The following NFIB variants were observed in gnomAD, a reference collection of about 807,000 sequenced individuals.
The protein encoded by NFIB is nuclear factor I B, also known as nuclear factor 1 B-type.
In NFIB, 11 loss-of-function variants were observed where a neutral mutation model predicts 61.5. That is an observed-to-expected ratio of 0.18 (90% CI 0.11 to 0.30). The LOEUF (loss-of-function observed/expected upper bound fraction) is 0.30. Among genes scored for constraint, NFIB ranks in the 10% least tolerant of loss-of-function variants. NFIB has a pLI of 1.00. For synonymous variants in NFIB, 260 were observed against 216.5 expected (o/e 1.20, Z -1.76); for missense variants, 471 against 608.9 (o/e 0.77, Z 2.38).
At chr9:14,245,586 C>A (rs1464396028) in intron 2 of NFIB, among the ~76,000 whole-genome samples, 2 of 152,052 alleles carry the variant, frequency 1.3e-5, no homozygotes, top group African/African-American at 4.8e-5. Context: ...ATAATAAGTA[C>A]ACATGGCCGG....
intron 2 of NFIB, among the ~76,000 whole-genome samples, chr9:14,215,979 G>A (rs1206652181): frequency 2.6e-5 from 4 of 152,100 alleles, no homozygotes; most frequent in Non-Finnish European, 4.4e-5. Flanking sequence ...TTCATGGGGG[G>A]TGGGCAATAA....
At chr9:14,410,600 A>G in the NFIB span, among the ~76,000 whole-genome samples, 1 of 152,204 alleles carries the variant, frequency 6.6e-6, no homozygotes, top group Non-Finnish European at 1.5e-5. Flanking sequence ...TGGTGGAAGA[A>G]AGTTGAGAGT....
At chr9:14,476,168 G>C in the NFIB span, among the ~76,000 whole-genome samples, 1 of 150,836 alleles carries the variant, frequency 6.6e-6, no homozygotes, top group South Asian at 2.1e-4. Flanking sequence ...AAGTTCAAAA[G>C]GAAAAATATT....
the NFIB span, among the ~76,000 whole-genome samples, chr9:14,452,493 AAAG>A: frequency 3.7e-3 from 353 of 94,274 alleles, 26 homozygotes; most frequent in Non-Finnish European, 5.3e-3. Context: ...AAAGGAAAGG[AAAG>A]GAAAGGAAAG....
chr9:14,509,613 C>T, the NFIB span, among the ~76,000 whole-genome samples: 1 of 152,204 alleles, frequency 6.6e-6, no homozygotes, highest in Non-Finnish European at 1.5e-5. Context: ...GTACTCCTTG[C>T]CCTCTCCTTT....
At chr9:14,186,498 G>A (rs1353020176) in intron 2 of NFIB, among the ~76,000 whole-genome samples, 2 of 151,962 alleles carry the variant, frequency 1.3e-5, no homozygotes, top group Non-Finnish European at 2.9e-5. Context: ...AGACGTAACA[G>A]GTAAGAAACA....
intron 2 of NFIB, among the ~76,000 whole-genome samples, chr9:14,208,571 T>A (rs1360063748): frequency 6.6e-6 from 1 of 152,076 alleles, no homozygotes; most frequent in Non-Finnish European, 1.5e-5. Flanking sequence ...GCTTTTTTTT[T>A]TTTTTCCTTA....
Position 14,394,441 on chromosome 9 carries a change from G to A in NFIB, c.108+4083C>T, listed in dbSNP as rs147256296. 1.4e-3 allele frequency among the ~76,000 whole-genome samples: 207 copies of A among 152,304 alleles called. 3 individuals are homozygous for A. The highest frequency in any genetic ancestry group is 4.5e-3 in the African/African-American group (186 of 41,552). On this transcript the variant is annotated intron_variant, in intron 1 of 8. Coordinates refer to the NFIB transcript ENST00000380934. ...TGGCTGGGGATGCCTCATAATAATG[G>A]TGGAAGGCAAAAGAGAAGCAAAGGC...
the NFIB span, among the ~76,000 whole-genome samples, chr9:14,407,869 A>G: frequency 2.6e-5 from 4 of 152,206 alleles, no homozygotes; most frequent in African/African-American, 7.2e-5. Flanking sequence ...AAATTTTTGC[A>G]GAGACAGGGT....
At chr9:14,129,645 T>C (rs963691886) in intron 6 of NFIB, among the ~76,000 whole-genome samples, 1 of 152,046 alleles carries the variant, frequency 6.6e-6, no homozygotes, top group African/African-American at 2.4e-5. Flanking sequence ...GTTTGAAGAA[T>C]GAATATATAG....
chr9:14,179,681 T>G, intron 3 of NFIB, 46 bp downstream of exon 3: 2 of 1,605,624 alleles, frequency 1.2e-6, no homozygotes, highest in Non-Finnish European at 1.7e-6. Flanking sequence ...GGTACCTTTG[T>G]TCTCCAACAA....
chr9:14,381,068 C>T lies in NFIB; in HGVS notation c.108+17456G>A, dbSNP rs543774619. Among the ~76,000 whole-genome samples, 774 of 90,980 alleles carry T rather than the reference C, an allele frequency of 8.5e-3. 3 individuals carry two copies. The highest frequency in any genetic ancestry group is 0.013 in the Non-Finnish European group (633 of 48,906). 59.7% of individuals were successfully genotyped at this position (90,980 alleles called of 152,430 possible). ...CAGCCTGGGCAACAGAGCGAGACTC[C>T]GTCTCAAAAAAAAAAAAAAAAAAAA... is the stretch of plus-strand genomic sequence containing the variant. On this transcript the variant is annotated intron_variant, in intron 1 of 8. Transcript: ENST00000380934.
the NFIB span, among the ~76,000 whole-genome samples, chr9:14,448,908 T>C: frequency 6.6e-6 from 1 of 152,136 alleles, no homozygotes; most frequent in Non-Finnish European, 1.5e-5. Context: ...GATTGGGAGA[T>C]AGAGGGATAT....
the NFIB span, among the ~76,000 whole-genome samples, chr9:14,426,786 C>T: frequency 1.3e-5 from 2 of 152,152 alleles, no homozygotes; most frequent in African/African-American, 2.4e-5. Context: ...CATATCACAT[C>T]GCTCAGGAAC....
rs563675579 is a variant in NFIB, at chr9:14,381,718, G to A, written c.108+16806C>T. On this transcript the variant is annotated intron_variant, in intron 1 of 8. Transcript: ENST00000380934. Reference sequence around the variant, plus strand: ...ATAATTGGGATTTGGGGCAATTAAGGCAACATCAGGCAAGAACAGTATCTG... The same window carrying A: ...ATAATTGGGATTTGGGGCAATTAAGACAACATCAGGCAAGAACAGTATCTG... 1.6e-4 allele frequency among the ~76,000 whole-genome samples: 25 copies of A among 152,338 alleles called. No individual in the cohort carries two copies. The East Asian group carries it at 4.8e-3, about 29-fold the overall frequency.
the NFIB span, among the ~76,000 whole-genome samples, chr9:14,405,613 C>CA: frequency 0.085 from 12,937 of 151,638 alleles, 606 homozygotes; most frequent in African/African-American, 0.12. Flanking sequence ...TAGCAATTTC[C>CA]AAAAAAAATG....
chr9:14,393,711 C>CGGGA (rs1410742267), intron 1 of NFIB, among the ~76,000 whole-genome samples: 19 of 152,240 alleles, frequency 1.2e-4, no homozygotes, highest in African/African-American at 4.6e-4. Flanking sequence ...AGAGCACTCC[C>CGGGA]GAATAGGCTT....
intron 1 of NFIB, among the ~76,000 whole-genome samples, chr9:14,370,357 C>G (rs944332200): frequency 6.6e-6 from 1 of 152,044 alleles, no homozygotes; most frequent in African/African-American, 2.4e-5. Flanking sequence ...TTGATGTAAC[C>G]CCAACCCCAA....
upstream of NFIB, among the ~76,000 whole-genome samples, chr9:14,400,053 G>C (rs757206686): frequency 7.9e-5 from 12 of 151,614 alleles, no homozygotes; most frequent in Admixed American, 3.3e-4. Context: ...TTCTTCACTA[G>C]TAAGTCCTGG....
Sources: gnomAD v4.1 joint callset for allele counts (sites outside exome capture counted in the v4.1 genomes callset) on GRCh38, gnomAD v4.1.1 for gene constraint, MANE v1.5 for transcripts, NCBI Gene and HGNC (gene_info 2026-07-23, HGNC 2026-07-21) for gene names.